AK3: variants seen among roughly 807,000 people sequenced by gnomAD.
The protein encoded by AK3 is GTP:AMP phosphotransferase AK3, mitochondrial.
AK3 carries 27 observed loss-of-function variants against 23.7 expected under a neutral mutation model. The ratio of observed to expected loss-of-function variants is 1.14; its 90% CI spans 0.84 to 1.57. The LOEUF (loss-of-function observed/expected upper bound fraction) is 1.57. Among genes scored for constraint, AK3 ranks in the 40% most tolerant of loss-of-function variants. The pLI, the probability that AK3 is intolerant of heterozygous loss-of-function variation, is 0.00. For missense variants in AK3, 406 were observed against 285.6 expected (o/e 1.42, Z -3.04); for synonymous variants, 159 against 116.0 (o/e 1.37, Z -2.38).
intron 1 of AK3, among the ~76,000 whole-genome samples, chr9:4,730,798 G>A (rs534914993): frequency 1.2e-3 from 190 of 152,256 alleles, no homozygotes; most frequent in African/African-American, 4.4e-3. Context: ...TTTGTGTGAT[G>A]AGAAAGAATT....
intron 1 of AK3, among the ~76,000 whole-genome samples, chr9:4,730,733 T>C (rs1842133825): frequency 6.6e-6 from 1 of 152,220 alleles, no homozygotes; most frequent in African/African-American, 2.4e-5. Context: ...ATGATTTAAT[T>C]AGAACAAGAC....
Position 4,740,840 on chromosome 9 carries a change from C to T in AK3, c.151+97G>A, listed in dbSNP as rs948030788. 6.8e-6 allele frequency: 9 copies of T among 1,319,016 alleles called. 1 individual carries two copies. The South Asian group carries it at 1.1e-4, about 16-fold the overall frequency. The allele number at this position is 1,319,016 out of a possible 1,614,324, so 81.7% of individuals were successfully genotyped here. The stretch of plus-strand genomic sequence containing the variant: ...GGGCGGCGGGAGGGAAATGCCGCGC[C>T]CGCAGCCAGGGACCCGCGTGCCCAG... On this transcript the variant is annotated intron_variant, in intron 1 of 4. Coordinates refer to ENST00000381809, the MANE Select transcript of AK3 (RefSeq NM_016282.4).
In AK3 at chr9:4,720,230, T is replaced by C. The variant is rs894575622; in HGVS notation, c.272-923A>G. 7.2e-5 allele frequency among the ~76,000 whole-genome samples: 11 copies of C among 152,318 alleles called. No individual in the cohort carries two copies. The East Asian group carries it at 2.1e-3, about 29-fold the overall frequency. ...TCAAAAACAGAGAGACAGGCAAATG[T>C]ACCTAATGAGTGAATTCAGAAATAC... On this transcript the variant is annotated intron_variant, in intron 2 of 4. Transcript: ENST00000381809.
intron 4 of AK3, among the ~76,000 whole-genome samples, chr9:4,717,253 A>G (rs1433839781): frequency 6.6e-6 from 1 of 152,160 alleles, no homozygotes; most frequent in Non-Finnish European, 1.5e-5. Flanking sequence ...TTCAATAAGT[A>G]CATAAATGAA....
At position 4,717,330 on chromosome 9, in the gene AK3, C is replaced by A. The variant is rs78042602; in HGVS notation, c.563+1089G>T. On this transcript the variant is annotated intron_variant, in intron 4 of 4. Transcript: ENST00000381809. ...GTAAGAAAACTGGAGTATTTCTTAG[C>A]CTAAGTCAAATACTCATTCAGTACG... 4.5e-3 allele frequency among the ~76,000 whole-genome samples: 689 copies of A among 152,246 alleles called. 6 individuals carry two copies. The highest frequency in any genetic ancestry group is 0.016 in the African/African-American group (656 of 41,536).
intron 4 of AK3, among the ~76,000 whole-genome samples, chr9:4,716,127 CATCT>C (rs1006503366): frequency 2.6e-4 from 40 of 152,162 alleles, no homozygotes; most frequent in Non-Finnish European, 3.2e-4. Context: ...TGGACCCATC[CATCT>C]ATCTTTGACT....
rs202173023 is a variant in AK3, at chr9:4,714,025, G to T, written c.564-929C>A. On this transcript the variant is annotated intron_variant, in intron 4 of 4. Coordinates refer to ENST00000381809, the MANE Select transcript of AK3 (RefSeq NM_016282.4). The stretch of plus-strand genomic sequence containing the variant: ...ACACATATACACCTACACATATACA[G>T]CTACACATATACATCTACACATATA... Among the ~76,000 whole-genome samples the T allele has an allele frequency of 6.0e-3, 17 of 2,846 alleles. 2 individuals are homozygous for T. Among genetic ancestry groups the T allele is most frequent in the African/African-American group, 0.016 (10 of 624 alleles). The allele number at this position is 2,846 out of a possible 152,430, so 1.9% of individuals were successfully genotyped here. A position where few individuals can be genotyped will look rare whatever the true frequency, so the allele number is the denominator to read the frequency against.
chr9:4,719,215 T>G lies in AK3; in HGVS notation c.364A>C (p.Lys122Gln). 1 of 1,612,012 alleles carries G rather than the reference T, an allele frequency of 6.2e-7. No individual in the cohort carries two copies. The highest frequency in any genetic ancestry group is 1.1e-5 in the South Asian group (1 of 90,978). Residue 122 changes from lysine to glutamine, a missense_variant, in exon 3 of 5, where the codon AAA (lysine) becomes CAA (glutamine). Physicochemically the swap from Lys to Gln is moderately conservative, Grantham distance 53. Coordinates refer to ENST00000381809, the MANE Select transcript of AK3 (RefSeq NM_016282.4). The stretch of plus-strand genomic sequence containing the variant: ...ATCCAGCGAGCAGTAAGGCGTTGTT[T>G]AATGACCTCAAAGGGCACATTCAGG... ...INLNVPFEVI[K>Q]QRLTARWIHP...
chr9:4,739,375 A>G (rs2130919315), intron 1 of AK3, among the ~76,000 whole-genome samples: 1 of 151,258 alleles, frequency 6.6e-6, no homozygotes, highest in East Asian at 2.0e-4. Flanking sequence ...TGAATTTTTT[A>G]TAGAGACGCA....
rs1449401947 is a variant in AK3 at position 4,741,145 on chromosome 9, C to G, written c.-58G>C. The G allele has an allele frequency of 9.6e-6, 13 of 1,349,722 alleles. No individual in the cohort carries two copies. Among genetic ancestry groups the G allele is most frequent in the Non-Finnish European group, 1.1e-5 (12 of 1,049,054 alleles). 83.6% of individuals were successfully genotyped at this position (1,349,722 alleles called of 1,614,324 possible). ...CCAGGGCTTTGGCCTGGCCTGCGCG[C>G]TCACCCGCTCGGCAGCCTGCGCCGG... On this transcript the variant is annotated 5_prime_UTR_variant, in exon 1 of 5. Coordinates refer to ENST00000381809, the MANE Select transcript of AK3 (RefSeq NM_016282.4).
At chr9:4,720,040 G>C (rs573894375) in intron 2 of AK3, among the ~76,000 whole-genome samples, 2 of 152,270 alleles carry the variant, frequency 1.3e-5, no homozygotes, top group African/African-American at 2.4e-5. Context: ...ACTCCAGCCT[G>C]GGTGACAGAG....
chr9:4,722,361 G>A, intron 2 of AK3, 145 bp downstream of exon 2: 1 of 1,133,486 alleles, frequency 8.8e-7, no homozygotes, highest in Non-Finnish European at 1.2e-6. Context: ...TGGTCCCAGA[G>A]AAGATGACTG....
rs189156408 is a variant in AK3, at chr9:4,737,748, A to G, written c.151+3189T>C. On this transcript the variant is annotated intron_variant, in intron 1 of 4. Coordinates refer to ENST00000381809, the MANE Select transcript of AK3 (RefSeq NM_016282.4). ...AAAATAAAATACAATAAAAGAGAGG[A>G]CTGGACTAAATGTCTTAAGGTCAGA... Among the ~76,000 whole-genome samples the G allele has an allele frequency of 1.9e-3, 287 of 152,152 alleles. 1 individual carries two copies. Among genetic ancestry groups the G allele is most frequent in the Non-Finnish European group, 2.3e-3 (154 of 67,958 alleles).
At chr9:4,732,259 T>C (rs1388958853) in intron 1 of AK3, among the ~76,000 whole-genome samples, 1 of 152,208 alleles carries the variant, frequency 6.6e-6, no homozygotes, top group Non-Finnish European at 1.5e-5. Context: ...GATAATTTCT[T>C]AATAACATTT....
chr9:4,736,163 T>A (rs954013021), intron 1 of AK3, among the ~76,000 whole-genome samples: 4 of 151,712 alleles, frequency 2.6e-5, no homozygotes, highest in African/African-American at 9.7e-5. Flanking sequence ...TGCACAACTC[T>A]GTGAATATAT....
At chr9:4,731,987 A>C (rs963567221) in intron 1 of AK3, among the ~76,000 whole-genome samples, 3 of 152,174 alleles carry the variant, frequency 2.0e-5, no homozygotes, top group Non-Finnish European at 4.4e-5. Context: ...TCTCACTCTG[A>C]CATCCATGCT....
rs1450766921 is a variant in AK3, at chr9:4,712,250, C to CTT, written c.*724_*725dup. ...TTCAACTTTGGTGCTTGTAAAAGCA[C>CTT]TTATGTCAATTTTTGACACAAATCA... is the stretch of plus-strand genomic sequence containing the variant. On this transcript the variant is annotated 3_prime_UTR_variant, in exon 5 of 5. Transcript: ENST00000381809. 3 of 152,104 alleles carry CTT rather than the reference C, an allele frequency of 2.0e-5. No individual in the cohort carries two copies. Among genetic ancestry groups the CTT allele is most frequent in the African/African-American group, 7.2e-5 (3 of 41,414 alleles). 9.4% of individuals were successfully genotyped at this position (152,104 alleles called of 1,614,324 possible).
intron 4 of AK3, among the ~76,000 whole-genome samples, chr9:4,713,467 T>C (rs1841616854): frequency 6.6e-6 from 1 of 152,196 alleles, no homozygotes. Flanking sequence ...TAATGTAACT[T>C]AGCCCAAATC....
At chr9:4,723,822 G>C (rs1187230901) in intron 1 of AK3, among the ~76,000 whole-genome samples, 1 of 152,064 alleles carries the variant, frequency 6.6e-6, no homozygotes, top group Admixed American at 6.6e-5. Context: ...CATCACCAAA[G>C]ACTCTTGTTC....
Sources: allele counts gnomAD v4.1 joint callset (sites outside exome capture counted in the v4.1 genomes callset), GRCh38; gene constraint gnomAD v4.1.1; transcripts MANE v1.5; gene names NCBI Gene and HGNC (gene_info 2026-07-23, HGNC 2026-07-21).